AKAP6: variants seen among roughly 807,000 people sequenced by gnomAD.
The protein encoded by AKAP6 is A-kinase anchor protein 6.
A neutral mutation model predicts 188.5 loss-of-function variants in AKAP6; 58 were observed. The observed-to-expected ratio is 0.31, with a 90% CI of 0.25 to 0.38. The LOEUF (loss-of-function observed/expected upper bound fraction) is 0.38, where lower values mean the gene tolerates loss of function less well. AKAP6 is among the 10% of genes least tolerant of loss of function. The pLI, the probability that AKAP6 is intolerant of heterozygous loss-of-function variation, is 1.00. For synonymous variants in AKAP6, 989 were observed against 998.6 expected (o/e 0.99, Z 0.18); for missense variants, 2,710 against 2,740.0 (o/e 0.99, Z 0.24).
chr14:32,717,341 G>A (rs1379520585), intron 9 of AKAP6, among the ~76,000 whole-genome samples: 1 of 151,904 alleles, frequency 6.6e-6, no homozygotes, highest in Non-Finnish European at 1.5e-5. Flanking sequence ...ATCATATTCT[G>A]TCATCTGTTT....
intron 11 of AKAP6, among the ~76,000 whole-genome samples, chr14:32,737,743 T>C (rs561275893): frequency 6.6e-6 from 1 of 152,252 alleles, no homozygotes; most frequent in South Asian, 2.1e-4. Flanking sequence ...ATAACTGAAG[T>C]CCTTTATATG....
At chr14:32,341,585 C>T (rs1409904523) in intron 1 of AKAP6, among the ~76,000 whole-genome samples, 1 of 152,192 alleles carries the variant, frequency 6.6e-6, no homozygotes, top group Non-Finnish European at 1.5e-5. Flanking sequence ...TGCTTCTATA[C>T]TGCCAACATT....
intron 2 of AKAP6, among the ~76,000 whole-genome samples, chr14:32,437,910 A>G (rs1489067000): frequency 1.3e-5 from 2 of 152,000 alleles, no homozygotes; most frequent in African/African-American, 4.8e-5. Context: ...AATGGTTCTT[A>G]TCACTAGCTG....
intron 12 of AKAP6, among the ~76,000 whole-genome samples, chr14:32,810,918 A>G (rs1266469466): frequency 6.6e-6 from 1 of 152,158 alleles, no homozygotes; most frequent in Non-Finnish European, 1.5e-5. Flanking sequence ...AAAGCAAGAC[A>G]AGTTTCCTTG....
intron 9 of AKAP6, among the ~76,000 whole-genome samples, chr14:32,724,099 C>T (rs140692235): frequency 2.0e-3 from 302 of 151,950 alleles, no homozygotes; most frequent in African/African-American, 6.9e-3. Context: ...CTTAGAGAAC[C>T]AGTTTACTAG....
intron 1 of AKAP6, among the ~76,000 whole-genome samples, chr14:32,333,743 TA>T (rs1886603717): frequency 6.6e-6 from 1 of 152,230 alleles, no homozygotes; most frequent in African/African-American, 2.4e-5. Context: ...TTTTGAGAAA[TA>T]AAATTATAAT....
intron 4 of AKAP6, among the ~76,000 whole-genome samples, chr14:32,555,175 C>G (rs1419437333): frequency 2.0e-5 from 3 of 152,204 alleles, no homozygotes; most frequent in African/African-American, 7.2e-5. Context: ...CTCTTTGTAA[C>G]TAGACTGTAA....
chr14:32,518,816 C>G (rs2139050379), intron 2 of AKAP6, among the ~76,000 whole-genome samples: 1 of 152,200 alleles, frequency 6.6e-6, no homozygotes, highest in South Asian at 2.1e-4. Context: ...AAAGGCAGAC[C>G]AACATTCAAA....
intron 2 of AKAP6, among the ~76,000 whole-genome samples, chr14:32,527,157 C>T (rs577497258): frequency 9.8e-5 from 15 of 152,320 alleles, no homozygotes; most frequent in African/African-American, 3.4e-4. Context: ...ACTGCTTTGC[C>T]TTTTCCGGAA....
chr14:32,615,418 T>TA (rs920839704), intron 7 of AKAP6, among the ~76,000 whole-genome samples: 10 of 151,158 alleles, frequency 6.6e-5, no homozygotes, highest in African/African-American at 2.2e-4. Flanking sequence ...CTTCTTTTTT[T>TA]TTTTTAACCT....
chr14:32,592,271 G>A (rs1282306102), intron 5 of AKAP6, among the ~76,000 whole-genome samples: 1 of 152,134 alleles, frequency 6.6e-6, no homozygotes, highest in East Asian at 1.9e-4. Flanking sequence ...CTACTCTCAA[G>A]GAACTCATCT....
Position 32,762,995 on chromosome 14 carries a change from A to AT in AKAP6, c.3373-10678dup, listed in dbSNP as rs147841904. 3.7e-3 allele frequency among the ~76,000 whole-genome samples: 565 copies of AT among 152,176 alleles called. 1 individual carries two copies. Among genetic ancestry groups the AT allele is most frequent in the Non-Finnish European group, 7.0e-3 (473 of 67,928 alleles). On this transcript the variant is annotated intron_variant, in intron 11 of 13. Coordinates refer to ENST00000280979, the MANE Select transcript of AKAP6 (RefSeq NM_004274.5). Reference sequence around the variant, plus strand: ...AAAAATGAAAAGACTTACTGAAAATATTTTTATTTTAAATGGTTATAAGAA... The same window carrying AT: ...AAAAATGAAAAGACTTACTGAAAATATTTTTTATTTTAAATGGTTATAAGAA...
intron 8 of AKAP6, among the ~76,000 whole-genome samples, chr14:32,683,878 C>T (rs1036791860): frequency 3.9e-5 from 6 of 152,136 alleles, no homozygotes; most frequent in African/African-American, 1.4e-4. Flanking sequence ...GAAATAGTCC[C>T]TGAGCTAAGA....
At chr14:32,469,092 T>C (rs1224572876) in intron 2 of AKAP6, among the ~76,000 whole-genome samples, 2 of 152,086 alleles carry the variant, frequency 1.3e-5, no homozygotes, top group African/African-American at 4.8e-5. Flanking sequence ...ACTCATGGGG[T>C]GTACTGTGAG....
intron 1 of AKAP6, among the ~76,000 whole-genome samples, chr14:32,413,175 A>ATT (rs10577801): frequency 3.3e-4 from 20 of 60,474 alleles, no homozygotes; most frequent in African/African-American, 7.6e-4. Context: ...ATTTATTGAA[A>ATT]TTTTTTTTTT....
chr14:32,632,006 G>T (rs1335973988), intron 7 of AKAP6, among the ~76,000 whole-genome samples: 1 of 151,930 alleles, frequency 6.6e-6, no homozygotes, highest in Non-Finnish European at 1.5e-5. Context: ...CCAATGTTAG[G>T]ATTTTCAGCA....
chr14:32,490,322 T>A (rs1594671353), intron 2 of AKAP6, among the ~76,000 whole-genome samples: 1 of 152,194 alleles, frequency 6.6e-6, no homozygotes. Context: ...AACATGTTTA[T>A]GAGGTTTGTC....
At chr14:32,344,470 G>C (rs1886999272) in intron 1 of AKAP6, among the ~76,000 whole-genome samples, 1 of 152,190 alleles carries the variant, frequency 6.6e-6, no homozygotes, top group African/African-American at 2.4e-5. Context: ...GTCGATGAGG[G>C]TGCAGTTAAT....
intron 1 of AKAP6, among the ~76,000 whole-genome samples, chr14:32,343,361 T>C (rs1886954342): frequency 6.6e-6 from 1 of 151,970 alleles, no homozygotes; most frequent in African/African-American, 2.4e-5. Flanking sequence ...GGCTAACTGG[T>C]GGTCAGCCTG....
Sources: gnomAD v4.1 joint callset for allele counts (sites outside exome capture counted in the v4.1 genomes callset) on GRCh38, gnomAD v4.1.1 for gene constraint, MANE v1.5 for transcripts, NCBI Gene and HGNC (gene_info 2026-07-23, HGNC 2026-07-21) for gene names.